BLCAP: variants seen among roughly 807,000 people sequenced by gnomAD.
BLCAP encodes the protein apoptosis inducing factor BLCAP.
A neutral mutation model predicts 5.7 loss-of-function variants in BLCAP; 1 was observed. The observed-to-expected ratio is 0.18, with a 90% CI of 0.06 to 0.83. The LOEUF is 0.83. Among genes scored for constraint, BLCAP ranks in the 40% least tolerant of loss-of-function variants. The pLI, the probability that BLCAP is intolerant of heterozygous loss-of-function variation, is 0.71. For missense variants in BLCAP, 66 were observed against 107.6 expected (o/e 0.61, Z 1.71); for synonymous variants, 48 against 49.4 (o/e 0.97, Z 0.11).
chr20:37,521,653 T>C lies in BLCAP; in HGVS notation c.-176-2303A>G. ...GACTCGGGGCGCGGCGGGCGACCGCTGCGGACGATCACCCAGGCATTTAGC... is the reference window on the plus strand; with the variant it reads ...GACTCGGGGCGCGGCGGGCGACCGCCGCGGACGATCACCCAGGCATTTAGC... On this transcript the variant is annotated intron_variant, in intron 1 of 1. Coordinates refer to ENST00000373537, the MANE Select transcript of BLCAP (RefSeq NM_006698.4). This position sits in a 1 kb window ranked among gnomAD's most constrained non-coding sequence, Gnocchi z 4.5. The C allele has an allele frequency of 1.6e-5, 8 of 514,836 alleles. No individual in the cohort carries two copies. The highest frequency in any genetic ancestry group is 2.8e-5 in the Non-Finnish European group (8 of 286,092). The allele number at this position is 514,836 out of a possible 1,614,324, so 31.9% of individuals were successfully genotyped here.
chr20:37,518,998 A>G lies in BLCAP; in HGVS notation c.177T>C (p.Tyr59=). ...VFLAALFLIC[Y]SCWGNCFLYH... is the part of the protein sequence containing the mutation. The stretch of plus-strand genomic sequence containing the variant: ...ACAGGAAACAGTTTCCCCAGCAGCT[A>G]TAGCAGATAAGGAACAGGGCTGCCA... The change falls in exon 2 of 2, where the codon TAT becomes TAC. Residue 59 remains tyrosine, a synonymous_variant. Transcript: ENST00000373537. The G allele has an allele frequency of 6.2e-7, 1 of 1,614,240 alleles. No individual in the cohort carries two copies. Among genetic ancestry groups the G allele is most frequent in the East Asian group, 2.2e-5 (1 of 44,876 alleles).
chr20:37,519,228 C>T lies in BLCAP; in HGVS notation c.-54G>A. 6.6e-7 allele frequency: 1 copy of T among 1,519,482 alleles called. No individual in the cohort carries two copies. The highest frequency in any genetic ancestry group is 8.8e-7 in the Non-Finnish European group (1 of 1,130,312). The allele number at this position is 1,519,482 out of a possible 1,614,324, so 94.1% of individuals were successfully genotyped here. ...GGCTGCCGGGCACCGCTGCAGGAACCGACCTAATGGGAGCCAGCGGGCGCA... is the reference window on the plus strand; with the variant it reads ...GGCTGCCGGGCACCGCTGCAGGAACTGACCTAATGGGAGCCAGCGGGCGCA... On this transcript the variant is annotated 5_prime_UTR_variant, in exon 2 of 2. Coordinates refer to ENST00000373537, the MANE Select transcript of BLCAP (RefSeq NM_006698.4).
rs879205453 is a variant in BLCAP, at chr20:37,521,164, A to C, written c.-176-1814T>G. ...TGGCGAATGAGGAGCGCCCCCAGCC[A>C]CCCCTCCTCATAAACACCCCCCAAG... On this transcript the variant is annotated intron_variant, in intron 1 of 1. Transcript: ENST00000373537. The surrounding 1 kb of genome is among the most constrained non-coding windows in gnomAD (Gnocchi z 4.5). 1.4e-6 allele frequency: 1 copy of C among 690,798 alleles called. No homozygotes were observed. The allele number at this position is 690,798 out of a possible 1,614,324, so 42.8% of individuals were successfully genotyped here. A position where few individuals can be genotyped will look rare whatever the true frequency, so the allele number is the denominator to read the frequency against.
At position 37,521,147 on chromosome 20, in the gene BLCAP, G is replaced by A. The variant is rs2071552471; in HGVS notation, c.-176-1797C>T. On this transcript the variant is annotated intron_variant, in intron 1 of 1. Transcript: ENST00000373537. This position sits in a 1 kb window ranked among gnomAD's most constrained non-coding sequence, Gnocchi z 4.5. ...TTATTTTTTTCCTCTCCTGGCGAAT[G>A]AGGAGCGCCCCCAGCCACCCCTCCT... 1 of 666,438 alleles carries A rather than the reference G, an allele frequency of 1.5e-6. No individual in the cohort carries two copies. The highest frequency in any genetic ancestry group is 1.7e-5 in the South Asian group (1 of 58,136). The allele number at this position is 666,438 out of a possible 1,614,324, so 41.3% of individuals were successfully genotyped here.
At chr20:37,525,201 A>G (rs1428003412) in intron 1 of BLCAP, among the ~76,000 whole-genome samples, 1 of 152,226 alleles carries the variant, frequency 6.6e-6, no homozygotes, top group African/African-American at 2.4e-5. Context: ...AATCATGAAC[A>G]TACCAACATG....
chr20:37,521,259 A>G lies in BLCAP; in HGVS notation c.-176-1909T>C. On this transcript the variant is annotated intron_variant, in intron 1 of 1. Transcript: ENST00000373537. This position sits in a 1 kb window ranked among gnomAD's most constrained non-coding sequence, Gnocchi z 4.5. Reference sequence around the variant, plus strand: ...CCACCGCGGCTGCGGCAGTGCGCCCAACAGCGGACTCCGAGACCAGCGGAT... The same window carrying G: ...CCACCGCGGCTGCGGCAGTGCGCCCGACAGCGGACTCCGAGACCAGCGGAT... 1 of 1,523,680 alleles carries G rather than the reference A, an allele frequency of 6.6e-7. No individual in the cohort carries two copies. Among genetic ancestry groups the G allele is most frequent in the Non-Finnish European group, 9.1e-7 (1 of 1,098,592 alleles). 94.4% of individuals were successfully genotyped at this position (1,523,680 alleles called of 1,614,324 possible). A position where few individuals can be genotyped will look rare whatever the true frequency, so the allele number is the denominator to read the frequency against.
Position 37,521,315 on chromosome 20 carries a change from C to A in BLCAP, c.-176-1965G>T, listed in dbSNP as rs2071560016. On this transcript the variant is annotated intron_variant, in intron 1 of 1. Transcript: ENST00000373537. This position sits in a 1 kb window ranked among gnomAD's most constrained non-coding sequence, Gnocchi z 4.5. Reference sequence around the variant, plus strand: ...CAAACCCTCTTTCTCGACCACCCACCTACCATTCTTGGAACCATGGCGGCA... The same window carrying A: ...CAAACCCTCTTTCTCGACCACCCACATACCATTCTTGGAACCATGGCGGCA... The A allele has an allele frequency of 6.2e-7, 1 of 1,613,732 alleles. No homozygotes were observed. The highest frequency in any genetic ancestry group is 1.3e-5 in the African/African-American group (1 of 75,058).
Position 37,521,111 on chromosome 20 carries a change from G to A in BLCAP, c.-176-1761C>T, listed in dbSNP as rs1438826410. The A allele has an allele frequency of 1.7e-6, 1 of 599,324 alleles. No homozygotes were observed. Among genetic ancestry groups the A allele is most frequent in the Admixed American group, 2.9e-5 (1 of 34,680 alleles). The allele number at this position is 599,324 out of a possible 1,614,324, so 37.1% of individuals were successfully genotyped here. On this transcript the variant is annotated intron_variant, in intron 1 of 1. Coordinates refer to ENST00000373537, the MANE Select transcript of BLCAP (RefSeq NM_006698.4). The surrounding 1 kb of genome is among the most constrained non-coding windows in gnomAD (Gnocchi z 4.5). ...CAGGAGGCGGGGGTCGGTATGGAAA[G>A]AGCAGATGGATTATTTTTTTCCTCT...
At chr20:37,523,881 C>A (rs1016103332) in intron 1 of BLCAP, among the ~76,000 whole-genome samples, 1 of 152,186 alleles carries the variant, frequency 6.6e-6, no homozygotes, top group East Asian at 1.9e-4. Flanking sequence ...CCATCTCCCC[C>A]TCTCCCCAAA....
At chr20:37,524,693 C>T (rs1418266744) in intron 1 of BLCAP, 1 of 152,398 alleles carries the variant, frequency 6.6e-6, no homozygotes, top group Non-Finnish European at 1.5e-5. Flanking sequence ...ACCTTGCCCC[C>T]TTAAGCCTGA....
intron 1 of BLCAP, among the ~76,000 whole-genome samples, chr20:37,519,954 C>T (rs1360068536): frequency 6.6e-6 from 1 of 152,256 alleles, no homozygotes; most frequent in African/African-American, 2.4e-5. Context: ...GCTAAGCTTG[C>T]CTTTTTCAAA....
Position 37,517,483 on chromosome 20 carries a change from T to A in BLCAP, c.*1428A>T, listed in dbSNP as rs1156829348. 1 of 152,598 alleles carries A rather than the reference T, an allele frequency of 6.6e-6. No homozygotes were observed. The highest frequency in any genetic ancestry group is 2.4e-5 in the African/African-American group (1 of 41,436). 9.5% of individuals were successfully genotyped at this position (152,598 alleles called of 1,614,324 possible). On this transcript the variant is annotated 3_prime_UTR_variant, in exon 2 of 2. Coordinates refer to ENST00000373537, the MANE Select transcript of BLCAP (RefSeq NM_006698.4). ...CAACGAACACACCAAATAAAAGCTC[T>A]AGAATAGCAGTCCAGACGTTTCACA...
In BLCAP at chr20:37,518,527, A is replaced by G; in HGVS notation, c.*384T>C. On this transcript the variant is annotated 3_prime_UTR_variant, in exon 2 of 2. Transcript: ENST00000373537. The stretch of plus-strand genomic sequence containing the variant: ...GTCAGTAACATTCTGGGAAGGAAGG[A>G]GACCCTGACAAGGAGGGGTCACAGA... 5.3e-6 allele frequency: 1 copy of G among 189,684 alleles called. No homozygotes were observed. Among genetic ancestry groups the G allele is most frequent in the Non-Finnish European group, 1.1e-5 (1 of 90,300 alleles). The allele number at this position is 189,684 out of a possible 1,614,324, so 11.8% of individuals were successfully genotyped here. A position where few individuals can be genotyped will look rare whatever the true frequency, so the allele number is the denominator to read the frequency against.
chr20:37,521,106 G>A lies in BLCAP; in HGVS notation c.-176-1756C>T. On this transcript the variant is annotated intron_variant, in intron 1 of 1. Transcript: ENST00000373537. This position sits in a 1 kb window ranked among gnomAD's most constrained non-coding sequence, Gnocchi z 4.5. ...GAACTCAGGAGGCGGGGGTCGGTAT[G>A]GAAAGAGCAGATGGATTATTTTTTT... 1 of 586,490 alleles carries A rather than the reference G, an allele frequency of 1.7e-6. No homozygotes were observed. The highest frequency in any genetic ancestry group is 3.1e-6 in the Non-Finnish European group (1 of 326,334). The allele number at this position is 586,490 out of a possible 1,614,324, so 36.3% of individuals were successfully genotyped here.
rs759393037 is a variant in BLCAP at position 37,521,404 on chromosome 20, G to GT, written c.-176-2055dup. ...GTACATCTTCCGCGTGCTGCTGCAG[G>GT]TAAGTCTGACGGGGTTTCGGGTGGG... On this transcript the variant is annotated intron_variant, in intron 1 of 1. Transcript: ENST00000373537. This position sits in a 1 kb window ranked among gnomAD's most constrained non-coding sequence, Gnocchi z 4.5. 1.2e-6 allele frequency: 2 copies of GT among 1,614,134 alleles called. No individual in the cohort carries two copies. Among genetic ancestry groups the GT allele is most frequent in the East Asian group, 2.2e-5 (1 of 44,874 alleles).
At position 37,527,780 on chromosome 20, in the gene BLCAP, G is replaced by A. The variant is rs898924752; in HGVS notation, c.-177+13C>T. ...CCTCTCATCCCGCCCCAAGCAGGTT[G>A]ACGCCACGGTACCTGCAAGCCCTGC... On this transcript the variant is annotated intron_variant, in intron 1 of 1. Coordinates refer to ENST00000373537, the MANE Select transcript of BLCAP (RefSeq NM_006698.4). The A allele has an allele frequency of 1.3e-5, 2 of 152,280 alleles. No homozygotes were observed. Among genetic ancestry groups the A allele is most frequent in the Non-Finnish European group, 2.9e-5 (2 of 68,108 alleles). The allele number at this position is 152,280 out of a possible 1,614,324, so 9.4% of individuals were successfully genotyped here. A position where few individuals can be genotyped will look rare whatever the true frequency, so the allele number is the denominator to read the frequency against.
In BLCAP at chr20:37,517,710, T is replaced by G. The variant is rs954099040; in HGVS notation, c.*1201A>C. On this transcript the variant is annotated 3_prime_UTR_variant, in exon 2 of 2. Transcript: ENST00000373537. The stretch of plus-strand genomic sequence containing the variant: ...ACTGAAGCGCAGAAAAAGCAGCAAG[T>G]GACAGTCACAAAGTCTTCCTGGGTA... 7 of 152,590 alleles carry G rather than the reference T, an allele frequency of 4.6e-5. No individual in the cohort carries two copies. Among genetic ancestry groups the G allele is most frequent in the African/African-American group, 1.7e-4 (7 of 41,442 alleles). 9.5% of individuals were successfully genotyped at this position (152,590 alleles called of 1,614,324 possible).
rs2071560942 is a variant in BLCAP at position 37,521,343 on chromosome 20, G to A, written c.-176-1993C>T. On this transcript the variant is annotated intron_variant, in intron 1 of 1. Transcript: ENST00000373537. The surrounding 1 kb of genome is among the most constrained non-coding windows in gnomAD (Gnocchi z 4.5). Reference sequence around the variant, plus strand: ...CCATTCTTGGAACCATGGCGGCAGTGGCGGCGGCCTCGGCTGAACTGCTCA... The same window carrying A: ...CCATTCTTGGAACCATGGCGGCAGTAGCGGCGGCCTCGGCTGAACTGCTCA... The A allele has an allele frequency of 1.9e-6, 3 of 1,613,950 alleles. No individual in the cohort carries two copies. Among genetic ancestry groups the A allele is most frequent in the Non-Finnish European group, 2.5e-6 (3 of 1,179,964 alleles).
chr20:37,518,889 G>T lies in BLCAP; in HGVS notation c.*22C>A. 6.2e-7 allele frequency: 1 copy of T among 1,611,442 alleles called. No individual in the cohort carries two copies. Among genetic ancestry groups the T allele is most frequent in the Non-Finnish European group, 8.5e-7 (1 of 1,178,498 alleles). On this transcript the variant is annotated 3_prime_UTR_variant, in exon 2 of 2. Coordinates refer to ENST00000373537, the MANE Select transcript of BLCAP (RefSeq NM_006698.4). ...CTCCCCTCCCGTCTTCTGCTTCCTT[G>T]GAAAGCTAACAGGGCAGGCCGTTAG...
Sources: allele counts gnomAD v4.1 joint callset (sites outside exome capture counted in the v4.1 genomes callset), GRCh38; gene constraint gnomAD v4.1.1; non-coding constraint Gnocchi (gnomAD v3.1); transcripts MANE v1.5; gene names NCBI Gene and HGNC (gene_info 2026-07-23, HGNC 2026-07-21).